Variants in RTN4 observed in about 807,000 individuals in gnomAD.
The protein encoded by RTN4 is reticulon 4.
A neutral mutation model predicts 90.4 loss-of-function variants in RTN4; 32 were observed. That is an observed-to-expected ratio of 0.35 (90% CI 0.27 to 0.48). The LOEUF (loss-of-function observed/expected upper bound fraction) is 0.48, where lower values mean the gene tolerates loss of function less well. RTN4 is among the 20% of genes least tolerant of loss of function. RTN4 has a pLI of 0.99. For missense variants in RTN4, 1,706 were observed against 1,430.2 expected (o/e 1.19, Z -3.11); for synonymous variants, 629 against 552.5 (o/e 1.14, Z -1.94).
chr2:55,054,928 CATATT>C (rs1668163124), upstream of RTN4, among the ~76,000 whole-genome samples: 1 of 152,122 alleles, frequency 6.6e-6, no homozygotes, highest in Non-Finnish European at 1.5e-5. Flanking sequence ...AACATCTTAA[CATATT>C]AAATCCATTC....
At chr2:55,009,889 G>A (rs148725912) in intron 3 of RTN4, among the ~76,000 whole-genome samples, 119 of 152,352 alleles carry the variant, frequency 7.8e-4, no homozygotes, top group African/African-American at 2.8e-3. Context: ...CCGAATGCCA[G>A]TGAAACAGAA....
At chr2:55,006,850 ACCT>A (rs762524568) in intron 3 of RTN4, among the ~76,000 whole-genome samples, 1 of 151,738 alleles carries the variant, frequency 6.6e-6, no homozygotes, top group African/African-American at 2.4e-5. Context: ...CTGCTCTAGA[ACCT>A]CCTCATTTTC....
intron 1 of RTN4, among the ~76,000 whole-genome samples, chr2:55,082,090 A>G (rs1429207645): frequency 6.6e-6 from 1 of 152,174 alleles, no homozygotes; most frequent in African/African-American, 2.4e-5. Context: ...GACATAGTCA[A>G]GAAGCATAAA....
At chr2:54,995,728 C>A (rs139532682) in intron 3 of RTN4, among the ~76,000 whole-genome samples, 290 of 152,224 alleles carry the variant, frequency 1.9e-3, no homozygotes, top group African/African-American at 6.2e-3. Flanking sequence ...CACACCCCCA[C>A]ACTCATTATG....
Position 55,043,662 on chromosome 2 carries a change from G to A in RTN4, c.556+6083C>T, listed in dbSNP as rs1335811229. On this transcript the variant is annotated intron_variant, in intron 1 of 8. Coordinates refer to ENST00000337526, the MANE Select transcript of RTN4 (RefSeq NM_020532.5). ...GAATTGTGGGACACCGAGGCAGGTG[G>A]GTCACCTGAGGTCAGGAGTTCAAGA... 3.3e-5 allele frequency among the ~76,000 whole-genome samples: 5 copies of A among 152,066 alleles called. No homozygotes were observed. The East Asian group carries it at 9.7e-4, about 29-fold the overall frequency.
rs1677137678 is a variant in RTN4 at position 54,972,495 on chromosome 2, A to T, written c.*661T>A. ...TGCTCCTAGAAATATTTCTTCTTCT[A>T]GCTTATGTGCTTTGGAACTACACAT... On this transcript the variant is annotated 3_prime_UTR_variant, in exon 9 of 9. Coordinates refer to ENST00000337526, the MANE Select transcript of RTN4 (RefSeq NM_020532.5). 2 of 152,472 alleles carry T rather than the reference A, an allele frequency of 1.3e-5. No individual in the cohort carries two copies. Among genetic ancestry groups the T allele is most frequent in the African/African-American group, 4.8e-5 (2 of 41,302 alleles). 9.4% of individuals were successfully genotyped at this position (152,472 alleles called of 1,614,324 possible).
At chr2:55,129,085 G>A in the RTN4 span, among the ~76,000 whole-genome samples, 1 of 142,592 alleles carries the variant, frequency 7.0e-6, no homozygotes, top group Non-Finnish European at 1.5e-5. Flanking sequence ...TCCAGCCTAG[G>A]TGTGACAGAG....
chr2:55,121,456 CCTT>C, the RTN4 span, among the ~76,000 whole-genome samples: 3 of 152,232 alleles, frequency 2.0e-5, no homozygotes, highest in Non-Finnish European at 4.4e-5. Context: ...CACTATTTCT[CCTT>C]CTTCAGCTAA....
At chr2:54,979,405 G>A (rs1677938533) in intron 5 of RTN4, among the ~76,000 whole-genome samples, 1 of 152,186 alleles carries the variant, frequency 6.6e-6, no homozygotes, top group Admixed American at 6.5e-5. Context: ...AACAAAAACT[G>A]TGGTGGATAA....
At chr2:55,110,074 C>T (rs977927453) in intron 1 of RTN4, among the ~76,000 whole-genome samples, 38 of 151,974 alleles carry the variant, frequency 2.5e-4, no homozygotes, top group Admixed American at 1.1e-3. Context: ...TGTGGGAAGT[C>T]GAGACTGGTG....
chr2:55,021,144 T>C (rs1314328995), intron 3 of RTN4, among the ~76,000 whole-genome samples: 2 of 152,242 alleles, frequency 1.3e-5, no homozygotes, highest in Admixed American at 6.5e-5. Context: ...TAATTAGAGA[T>C]GGCATAAAAC....
At chr2:54,985,871 T>C (rs1175187019) in intron 4 of RTN4, among the ~76,000 whole-genome samples, 1 of 152,258 alleles carries the variant, frequency 6.6e-6, no homozygotes, top group East Asian at 1.9e-4. Context: ...TTTCCCCTAC[T>C]TTCAAGCTAA....
At chr2:54,987,353 G>A (rs1678645921) in intron 4 of RTN4, 138 bp downstream of exon 4, 1 of 686,790 alleles carries the variant, frequency 1.5e-6, no homozygotes, top group East Asian at 2.6e-5. Context: ...GATGTTTTTG[G>A]TATAGCTCAA....
intron 3 of RTN4, among the ~76,000 whole-genome samples, chr2:55,008,449 G>C (rs1188641075): frequency 2.0e-5 from 3 of 151,818 alleles, no homozygotes. Flanking sequence ...ATTGTCTGCT[G>C]ATAGAGAAAA....
chr2:54,982,264 T>C (rs994388647), intron 5 of RTN4, among the ~76,000 whole-genome samples: 3 of 152,026 alleles, frequency 2.0e-5, no homozygotes, highest in Admixed American at 1.3e-4. Flanking sequence ...CCCACAAGTA[T>C]GATTTATAAC....
the RTN4 span, among the ~76,000 whole-genome samples, chr2:55,125,953 T>A: frequency 6.8e-6 from 1 of 147,810 alleles, no homozygotes; most frequent in African/African-American, 2.5e-5. Flanking sequence ...CCCAGCTACT[T>A]GGGAGGCCGA....
chr2:55,120,507 C>G, the RTN4 span, among the ~76,000 whole-genome samples: 1 of 152,030 alleles, frequency 6.6e-6, no homozygotes, highest in Admixed American at 6.6e-5. Flanking sequence ...CTGCTTGTCC[C>G]CTTTCAACTG....
chr2:55,007,458 T>C (rs1216588474), intron 3 of RTN4, among the ~76,000 whole-genome samples: 1 of 152,164 alleles, frequency 6.6e-6, no homozygotes, highest in African/African-American at 2.4e-5. Flanking sequence ...TCTTCTGCGG[T>C]CTGGCCCAGG....
intron 1 of RTN4, among the ~76,000 whole-genome samples, chr2:55,089,503 C>T (rs986080903): frequency 6.6e-6 from 1 of 152,146 alleles, no homozygotes; most frequent in African/African-American, 2.4e-5. Context: ...AGCCACTTTC[C>T]GGCATGATCT....
Sources: allele counts gnomAD v4.1 joint callset (sites outside exome capture counted in the v4.1 genomes callset), GRCh38; gene constraint gnomAD v4.1.1; transcripts MANE v1.5; gene names NCBI Gene and HGNC (gene_info 2026-07-23, HGNC 2026-07-21).